Variants in PIK3CB observed in about 807,000 individuals in gnomAD.
The protein encoded by PIK3CB is phosphatidylinositol 4,5-bisphosphate 3-kinase catalytic subunit beta isoform.
PIK3CB carries 39 observed loss-of-function variants against 136.8 expected under a neutral mutation model. The ratio of observed to expected loss-of-function variants is 0.29; its 90% CI spans 0.22 to 0.37. The LOEUF is 0.37. Among genes scored for constraint, PIK3CB ranks in the 10% least tolerant of loss-of-function variants. The pLI is 1.00. For synonymous variants in PIK3CB, 428 were observed against 436.6 expected, an observed-to-expected ratio of 0.98 and a Z score of 0.25; for missense variants, 868 against 1,275.4, an observed-to-expected ratio of 0.68 and a Z score of 4.87.
intron 16 of PIK3CB, among the ~76,000 whole-genome samples, chr3:138,685,769 TA>T (rs555400045): frequency 3.6e-4 from 53 of 146,162 alleles, no homozygotes; most frequent in Middle Eastern, 7.0e-3. Context: ...CTTATGCAAG[TA>T]AAAAAAAAAA....
intron 2 of PIK3CB, among the ~76,000 whole-genome samples, chr3:138,779,097 T>C (rs1403664052): frequency 1.3e-5 from 2 of 150,904 alleles, no homozygotes; most frequent in Admixed American, 1.3e-4. Flanking sequence ...TTTTTTTTTT[T>C]TTTTTTGAGA....
At chr3:138,698,773 GT>G (rs898645057) in intron 13 of PIK3CB, 133 bp downstream of exon 13, 40 of 511,828 alleles carry the variant, frequency 7.8e-5, no homozygotes, top group African/African-American at 6.8e-4. Context: ...GAGTATAAGA[GT>G]TTAAAACCTC....
intron 2 of PIK3CB, among the ~76,000 whole-genome samples, chr3:138,780,034 T>G (rs1483239835): frequency 6.6e-6 from 1 of 152,068 alleles, no homozygotes; most frequent in Non-Finnish European, 1.5e-5. Flanking sequence ...CTCAGCTCAC[T>G]GCAACTTCTA....
intron 1 of PIK3CB, among the ~76,000 whole-genome samples, chr3:138,799,890 G>GTTTGC (rs2046153087): frequency 6.6e-6 from 1 of 152,022 alleles, no homozygotes; most frequent in African/African-American, 2.4e-5. Context: ...TGTTGCCCAG[G>GTTTGC]CTGGTCTCGA....
Position 138,682,343 on chromosome 3 carries a change from G to A in PIK3CB, c.2426-298C>T, listed in dbSNP as rs112702554. ...CTTCCTTGATTATATTCTACCTCCC[G>A]AGGCTGACAGCTGGCCCTACTACTC... On this transcript the variant is annotated intron_variant, in intron 18 of 23. Transcript: ENST00000674063. Among the ~76,000 whole-genome samples, 1,158 of 152,126 alleles carry A rather than the reference G, an allele frequency of 7.6e-3. 14 individuals are homozygous for A. The highest frequency in any genetic ancestry group is 0.027 in the African/African-American group (1,107 of 41,500).
At chr3:138,828,930 G>C (rs1025254344) in intron 1 of PIK3CB, among the ~76,000 whole-genome samples, 30 of 151,230 alleles carry the variant, frequency 2.0e-4, no homozygotes, top group Admixed American at 1.5e-3. Flanking sequence ...TGGGATTACA[G>C]GCGCATGCCA....
intron 1 of PIK3CB, among the ~76,000 whole-genome samples, chr3:138,811,978 C>T (rs1933085399): frequency 1.3e-5 from 2 of 151,982 alleles, no homozygotes; most frequent in African/African-American, 4.8e-5. Flanking sequence ...TAATTCTCAG[C>T]TACTTGGGAA....
intron 8 of PIK3CB, among the ~76,000 whole-genome samples, chr3:138,726,152 A>G (rs1431699314): frequency 6.6e-6 from 1 of 152,230 alleles, no homozygotes; most frequent in Admixed American, 6.5e-5. Context: ...GGCTAATGGA[A>G]TATGCCACTG....
chr3:138,832,975 G>A (rs1934107780), intron 1 of PIK3CB, among the ~76,000 whole-genome samples: 1 of 150,776 alleles, frequency 6.6e-6, no homozygotes, highest in Non-Finnish European at 1.5e-5. Flanking sequence ...TGGCGACATT[G>A]CACTCCAGCC....
chr3:138,754,340 A>G (rs1288647274), intron 4 of PIK3CB, among the ~76,000 whole-genome samples: 1 of 151,980 alleles, frequency 6.6e-6, no homozygotes, highest in Non-Finnish European at 1.5e-5. Context: ...TAGGACGCTG[A>G]GGTGGGAGGA....
Position 138,680,764 on chromosome 3 carries a change from C to T in PIK3CB, c.2504+1203G>A, listed in dbSNP as rs566571742. Among the ~76,000 whole-genome samples the T allele has an allele frequency of 3.3e-4, 50 of 151,974 alleles. 1 individual carries two copies. The highest frequency in any genetic ancestry group is 2.1e-3 in the East Asian group (11 of 5,160). On this transcript the variant is annotated intron_variant, in intron 19 of 23. Transcript: ENST00000674063. ...AATGCAGTGGCATGATCTCGCTCAC[C>T]GCAACTTCCGCCTCTCAGGTTCAAG...
intron 1 of PIK3CB, among the ~76,000 whole-genome samples, chr3:138,833,518 A>T (rs1283994525): frequency 1.3e-5 from 2 of 152,170 alleles, no homozygotes; most frequent in East Asian, 3.8e-4. Flanking sequence ...TCCCCAAATG[A>T]TTAATGAACT....
intron 1 of PIK3CB, among the ~76,000 whole-genome samples, chr3:138,810,294 C>T (rs1932961394): frequency 6.6e-6 from 1 of 152,012 alleles, no homozygotes; most frequent in South Asian, 2.1e-4. Flanking sequence ...ACTATAACGC[C>T]CCACTCTTTA....
intron 20 of PIK3CB, 130 bp from the exon 21 acceptor site, chr3:138,664,159 G>T: frequency 9.7e-7 from 1 of 1,029,196 alleles, no homozygotes; most frequent in Non-Finnish European, 1.4e-6. Flanking sequence ...CCGTATGAGA[G>T]AACATGTGGA....
intron 5 of PIK3CB, among the ~76,000 whole-genome samples, chr3:138,742,032 AAATTTAAGAAT>A (rs1213289046): frequency 6.6e-6 from 1 of 152,196 alleles, no homozygotes; most frequent in East Asian, 1.9e-4. Context: ...CACAGAATGC[AAATTTAAGAAT>A]ATGGAAACAA....
intron 2 of PIK3CB, among the ~76,000 whole-genome samples, chr3:138,774,483 C>T (rs951563477): frequency 6.6e-6 from 1 of 152,182 alleles, no homozygotes; most frequent in Non-Finnish European, 1.5e-5. Context: ...CAATGAGTGG[C>T]AATGGGTCCA....
intron 4 of PIK3CB, among the ~76,000 whole-genome samples, chr3:138,754,223 G>C (rs1345092068): frequency 1.3e-5 from 2 of 152,100 alleles, no homozygotes; most frequent in African/African-American, 2.4e-5. Context: ...GACAGCTCGA[G>C]TCCAGGAGTT....
chr3:138,827,104 A>G (rs1933816440), intron 1 of PIK3CB, among the ~76,000 whole-genome samples: 1 of 152,022 alleles, frequency 6.6e-6, no homozygotes, highest in African/African-American at 2.4e-5. Context: ...CCTGATCTCT[A>G]AAAATACTAA....
chr3:138,728,658 T>C (rs998086916), intron 8 of PIK3CB, among the ~76,000 whole-genome samples: 1 of 151,542 alleles, frequency 6.6e-6, no homozygotes, highest in African/African-American at 2.4e-5. Flanking sequence ...CGGGTGCCTA[T>C]AGTCCCAGCT....
Sources: gnomAD v4.1 joint callset for allele counts (sites outside exome capture counted in the v4.1 genomes callset) on GRCh38, gnomAD v4.1.1 for gene constraint, MANE v1.5 for transcripts, NCBI Gene and HGNC (gene_info 2026-07-23, HGNC 2026-07-21) for gene names.